Variants in TEK observed in about 807,000 individuals in gnomAD.
The protein encoded by TEK is TEK receptor tyrosine kinase.
Under a neutral mutation model 131.8 loss-of-function variants are expected in TEK, and 43 were observed. The observed-to-expected ratio is 0.33, with a 90% confidence interval of 0.26 to 0.42. The LOEUF (loss-of-function observed/expected upper bound fraction) is 0.42. TEK is among the 10% of genes least tolerant of loss of function. TEK has a pLI of 1.00. For synonymous variants in TEK, 580 were observed against 491.6 expected (o/e 1.18, Z -2.38); for missense variants, 1,162 against 1,384.4 (o/e 0.84, Z 2.55).
rs35969327 is a variant in TEK at position 27,168,573 on chromosome 9, T to C, written c.443T>C (p.Ile148Thr). ...NVNISFKKVL[I>T]KEEDAVIYKN... Reference sequence around the variant, plus strand: ...AACATATCTTTCAAAAAGGTATTGATTAAAGAAGAAGATGCAGTGATTTAC... The same window carrying C: ...AACATATCTTTCAAAAAGGTATTGACTAAAGAAGAAGATGCAGTGATTTAC... The change falls in exon 3 of 23, where the codon ATT becomes ACT. Residue 148 changes from isoleucine to threonine, a missense_variant. By Grantham distance (89) the Ile-to-Thr change is moderately conservative (BLOSUM62 -1). Coordinates refer to ENST00000380036, the MANE Select transcript of TEK (RefSeq NM_000459.5). 7.1e-3 allele frequency: 11,415 copies of C among 1,613,656 alleles called. 346 individuals are homozygous for C. The East Asian group carries it at 0.097, about 14-fold the overall frequency.
chr9:27,215,491 C>G (rs1422604195), intron 18 of TEK, among the ~76,000 whole-genome samples: 1 of 151,958 alleles, frequency 6.6e-6, no homozygotes, highest in Non-Finnish European at 1.5e-5. Context: ...TTAAAGATCC[C>G]CAGATGATTG....
At chr9:27,173,714 A>G (rs1382912424) in intron 6 of TEK, among the ~76,000 whole-genome samples, 1 of 146,746 alleles carries the variant, frequency 6.8e-6, no homozygotes, top group Non-Finnish European at 1.5e-5. Flanking sequence ...GGAAGACCAT[A>G]GAAGACTTGT....
At chr9:27,182,321 A>T (rs1171744489) in intron 7 of TEK, among the ~76,000 whole-genome samples, 1 of 152,158 alleles carries the variant, frequency 6.6e-6, no homozygotes, top group Non-Finnish European at 1.5e-5. Context: ...AGAAAATACA[A>T]GGGGACGATG....
At chr9:27,174,466 A>C (rs1321695360) in intron 6 of TEK, among the ~76,000 whole-genome samples, 5 of 152,234 alleles carry the variant, frequency 3.3e-5, no homozygotes, top group African/African-American at 1.2e-4. Context: ...TATGTTAAAA[A>C]CATTATCAGT....
intron 18 of TEK, among the ~76,000 whole-genome samples, chr9:27,215,839 C>G (rs1825805316): frequency 6.6e-6 from 1 of 152,030 alleles, no homozygotes; most frequent in African/African-American, 2.4e-5. Context: ...TACGGGAACA[C>G]AAAGAAGGTG....
At chr9:27,117,100 A>G (rs574155813) in intron 1 of TEK, among the ~76,000 whole-genome samples, 96 of 151,422 alleles carry the variant, frequency 6.3e-4, no homozygotes, top group African/African-American at 2.3e-3. Context: ...CTCCTGACCT[A>G]GTGATCCGCC....
At chr9:27,173,099 T>C (rs1266290968) in intron 5 of TEK, 123 bp from the exon 6 acceptor site, 26 of 1,318,342 alleles carry the variant, frequency 2.0e-5, no homozygotes, top group Admixed American at 1.9e-5. Context: ...CATCCTACCA[T>C]GCCACAGCTG....
rs1824571190 is a variant in TEK, at chr9:27,185,623, G to C, written c.1321G>C (p.Val441Leu). Residue 441 changes from valine (V) to leucine (L), a missense_variant, in exon 9 of 23, where the codon GTT (valine) becomes CTT (leucine). Physicochemically the swap from Val to Leu is conservative, Grantham distance 32. Transcript: ENST00000380036. Reference protein sequence around the residue: ...GMVEKPFNISVKVLPKPLNAP... With the variant: ...GMVEKPFNISLKVLPKPLNAP... ...GGTGGAAAAGCCCTTCAACATTTCT[G>C]TTAAAGGTAAGTTCATTTCCCAGAA... The C allele has an allele frequency of 6.2e-7, 1 of 1,613,600 alleles. No individual in the cohort carries two copies. Among genetic ancestry groups the C allele is most frequent in the African/African-American group, 1.3e-5 (1 of 74,978 alleles).
intron 10 of TEK, among the ~76,000 whole-genome samples, chr9:27,191,250 G>A (rs113590840): frequency 6.6e-6 from 1 of 152,138 alleles, no homozygotes; most frequent in African/African-American, 2.4e-5. Context: ...GACAAGGACA[G>A]GCAAAGGGAG....
chr9:27,109,738 C>T, intron 1 of TEK, 96 bp downstream of exon 1: 2 of 1,222,428 alleles, frequency 1.6e-6, no homozygotes, highest in Non-Finnish European at 2.4e-6. Context: ...TGCTGATGAA[C>T]AAGGGGTGGC....
At chr9:27,172,796 T>C in intron 5 of TEK, 49 bp downstream of exon 5, 1 of 1,608,532 alleles carries the variant, frequency 6.2e-7, no homozygotes, top group Non-Finnish European at 8.5e-7. Context: ...AAAGCCATCG[T>C]TGCTGGATCT....
At chr9:27,168,722 A>T (rs1823836053) in intron 3 of TEK, 117 bp downstream of exon 3, 1 of 789,670 alleles carries the variant, frequency 1.3e-6, no homozygotes, top group African/African-American at 1.7e-5. Context: ...TAAAGCTGCT[A>T]TGATGCAAGC....
chr9:27,109,974 AT>A (rs59552925), intron 1 of TEK, among the ~76,000 whole-genome samples: 142,483 of 151,584 alleles, frequency 0.94, 67,493 homozygotes, highest in Non-Finnish European at 1. Context: ...TTTCTTATTG[AT>A]TTTTTTTTTA....
At chr9:27,205,397 A>G (rs1484339224) in intron 14 of TEK, among the ~76,000 whole-genome samples, 1 of 152,198 alleles carries the variant, frequency 6.6e-6, no homozygotes, top group Non-Finnish European at 1.5e-5. Flanking sequence ...TAAATTGAAC[A>G]TTTTTGGTAA....
chr9:27,172,563 T>C, intron 4 of TEK, 53 bp from the exon 5 acceptor site: 4 of 1,609,116 alleles, frequency 2.5e-6, no homozygotes, highest in South Asian at 1.1e-5. Context: ...TCAATAAAGA[T>C]GTGTTGAGCG....
intron 11 of TEK, among the ~76,000 whole-genome samples, chr9:27,193,916 C>T (rs1224723602): frequency 6.6e-6 from 1 of 152,150 alleles, no homozygotes; most frequent in East Asian, 1.9e-4. Flanking sequence ...AAGTCATCCT[C>T]CCACCTCAGC....
intron 1 of TEK, among the ~76,000 whole-genome samples, chr9:27,150,480 G>T (rs1241551383): frequency 6.6e-6 from 1 of 152,068 alleles, no homozygotes. Flanking sequence ...GAGGGGTGTT[G>T]CATGCCTGTA....
At chr9:27,167,172 A>G (rs1489921777) in intron 2 of TEK, among the ~76,000 whole-genome samples, 1 of 152,218 alleles carries the variant, frequency 6.6e-6, no homozygotes, top group African/African-American at 2.4e-5. Context: ...GGAATCAGTC[A>G]ATGTTGCATG....
At position 27,204,968 on chromosome 9, in the gene TEK, G is replaced by A; in HGVS notation, c.2267G>A (p.Gly756Glu). 6.2e-7 allele frequency: 1 copy of A among 1,614,048 alleles called. No homozygotes were observed. Among genetic ancestry groups the A allele is most frequent in the South Asian group, 1.1e-5 (1 of 91,084 alleles). ...MLLIAILGSA[G>E]MTCLTVLLAF... Reference sequence around the variant, plus strand: ...CTTATAGCCATCCTTGGCTCTGCTGGAATGACCTGCCTGACTGTGCTGTTG... The same window carrying A: ...CTTATAGCCATCCTTGGCTCTGCTGAAATGACCTGCCTGACTGTGCTGTTG... Residue 756 changes from glycine (G) to glutamate (E), a missense_variant, in exon 14 of 23, where the codon GGA (glycine) becomes GAA (glutamate). This residue lies in a region of TEK where 477 missense variants were observed against 471.0 expected (regional missense o/e 1.01). Coordinates refer to ENST00000380036, the MANE Select transcript of TEK (RefSeq NM_000459.5).
Sources: allele counts gnomAD v4.1 joint callset (sites outside exome capture counted in the v4.1 genomes callset), GRCh38; gene constraint gnomAD v4.1.1; regional missense constraint gnomAD v4.1.1; transcripts MANE v1.5; gene names NCBI Gene and HGNC (gene_info 2026-07-23, HGNC 2026-07-21).